Variants in PIK3C2G observed in about 807,000 individuals in gnomAD.
PIK3C2G encodes phosphatidylinositol-4-phosphate 3-kinase catalytic subunit type 2 gamma, also known as phosphatidylinositol 3-kinase C2 domain-containing subunit gamma.
A neutral mutation model predicts 181.1 loss-of-function variants in PIK3C2G; 168 were observed. The ratio of observed to expected loss-of-function variants is 0.93; its 90% CI spans 0.82 to 1.05. The LOEUF (loss-of-function observed/expected upper bound fraction) is 1.05, where lower values mean the gene tolerates loss of function less well. PIK3C2G is among the 50% of genes least tolerant of loss of function. PIK3C2G has a pLI of 0.00. For synonymous variants in PIK3C2G, 573 were observed against 592.2 expected (o/e 0.97, Z 0.47); for missense variants, 1,869 against 1,732.8 (o/e 1.08, Z -1.40).
At chr12:18,456,552 C>T (rs750922044) in intron 18 of PIK3C2G, among the ~76,000 whole-genome samples, 4 of 152,096 alleles carry the variant, frequency 2.6e-5, no homozygotes, top group South Asian at 2.1e-4. Context: ...AGAAGCTAGC[C>T]GCCCCAACCT....
chr12:18,599,144 C>T (rs1947551915), intron 30 of PIK3C2G, among the ~76,000 whole-genome samples: 1 of 152,186 alleles, frequency 6.6e-6, no homozygotes, highest in Non-Finnish European at 1.5e-5. Context: ...CATCCCATTA[C>T]TGGGTATATA....
chr12:18,680,540 C>CT, the PIK3C2G span, among the ~76,000 whole-genome samples: 1 of 152,030 alleles, frequency 6.6e-6, no homozygotes, highest in African/African-American at 2.4e-5. Context: ...GGTAGAGAGA[C>CT]TGTACTCATC....
At chr12:18,684,220 A>G in the PIK3C2G span, 10 of 1,611,754 alleles carry the variant, frequency 6.2e-6, no homozygotes, top group Middle Eastern at 1.7e-4. Flanking sequence ...AAACGTATCA[A>G]TGCCAATTCT....
At chr12:18,455,671 A>G (rs1947586790) in intron 18 of PIK3C2G, among the ~76,000 whole-genome samples, 1 of 152,036 alleles carries the variant, frequency 6.6e-6, no homozygotes, top group Admixed American at 6.6e-5. Flanking sequence ...TGCTTCACCG[A>G]CAGCTGTCTT....
At chr12:18,403,396 G>C (rs1944359722) in intron 16 of PIK3C2G, among the ~76,000 whole-genome samples, 1 of 152,028 alleles carries the variant, frequency 6.6e-6, no homozygotes, top group Non-Finnish European at 1.5e-5. Flanking sequence ...CAGTTTTACT[G>C]AACTATTAAA....
At chr12:18,521,235 G>A (rs1429245279) in intron 24 of PIK3C2G, among the ~76,000 whole-genome samples, 4 of 152,190 alleles carry the variant, frequency 2.6e-5, no homozygotes, top group South Asian at 2.1e-4. Context: ...GGGTGGCATG[G>A]GGAGCAGGAC....
intron 1 of PIK3C2G, among the ~76,000 whole-genome samples, chr12:18,275,149 C>G (rs116415783): frequency 0.011 from 1,719 of 152,240 alleles, 36 homozygotes; most frequent in African/African-American, 0.04. Context: ...GTTTAATTCT[C>G]TTTTCTTGAA....
chr12:18,658,456 T>C, the PIK3C2G span, among the ~76,000 whole-genome samples: 35 of 152,176 alleles, frequency 2.3e-4, 1 homozygote. Flanking sequence ...CAAGTCATTA[T>C]GCACAAGAAA....
intron 16 of PIK3C2G, among the ~76,000 whole-genome samples, chr12:18,409,321 C>T (rs1376133869): frequency 6.6e-6 from 1 of 152,090 alleles, no homozygotes; most frequent in African/African-American, 2.4e-5. Context: ...CCCAACTGTT[C>T]TCGCTTGTAA....
chr12:18,693,578 C>A, the PIK3C2G span: 1 of 1,596,510 alleles, frequency 6.3e-7, no homozygotes, highest in Non-Finnish European at 8.6e-7. Flanking sequence ...CAAACTCGGA[C>A]GGGAATTGTT....
At chr12:18,676,534 C>T in the PIK3C2G span, among the ~76,000 whole-genome samples, 15,800 of 152,070 alleles carry the variant, frequency 0.1, 1,044 homozygotes, top group African/African-American at 0.19. Context: ...CACTTACATA[C>T]ATGGTAGTTA....
Position 18,282,214 on chromosome 12 carries a change from G to A in PIK3C2G, c.133G>A (p.Asp45Asn), listed in dbSNP as rs760518638. 1 of 1,613,510 alleles carries A rather than the reference G, an allele frequency of 6.2e-7. No homozygotes were observed. Among genetic ancestry groups the A allele is most frequent in the Non-Finnish European group, 8.5e-7 (1 of 1,179,662 alleles). ...CAGTCTGGGTTTTGATCAGATAGTA[G>A]ATGAGATCAGTGGCAAAATTCCACA... Reference protein sequence around the residue: ...QVSLGFDQIVDEISGKIPHYE... With the variant: ...QVSLGFDQIVNEISGKIPHYE... Residue 45 changes from aspartate (D) to asparagine (N), a missense_variant, in exon 2 of 33, where the codon GAT becomes AAT. Coordinates refer to ENST00000538779, the MANE Select transcript of PIK3C2G (RefSeq NM_001288772.2).
chr12:18,473,424 C>T (rs1938644922), intron 18 of PIK3C2G, among the ~76,000 whole-genome samples: 1 of 152,164 alleles, frequency 6.6e-6, no homozygotes, highest in African/African-American at 2.4e-5. Context: ...TGTATCTGGA[C>T]CAGTCTGTAG....
intron 31 of PIK3C2G, among the ~76,000 whole-genome samples, chr12:18,613,825 C>T (rs1335039229): frequency 6.6e-6 from 1 of 152,032 alleles, no homozygotes; most frequent in Non-Finnish European, 1.5e-5. Flanking sequence ...ACTCTACACA[C>T]AATGTGGTGA....
At chr12:18,260,304 C>T (rs1334787415), upstream of PIK3C2G, among the ~76,000 whole-genome samples, 1 of 152,006 alleles carries the variant, frequency 6.6e-6, no homozygotes, top group Non-Finnish European at 1.5e-5. Flanking sequence ...AAGGGTTTAG[C>T]ATAAATGTAT....
In PIK3C2G at chr12:18,497,748, G is replaced by A. The variant is rs1941131360; in HGVS notation, c.3016G>A (p.Gly1006Arg). The change falls in exon 22 of 33, where the codon GGA (glycine) becomes AGA (arginine). Residue 1006 changes from glycine (G) to arginine (R), a missense_variant and splice_region_variant. Coordinates refer to ENST00000538779, the MANE Select transcript of PIK3C2G (RefSeq NM_001288772.2). Reference sequence around the variant, plus strand: ...ATGTCTATCCACAGGAAAAGACCAAGGTCAGTATAGATTAGAAAGTGCGCT... The same window carrying A: ...ATGTCTATCCACAGGAAAAGACCAAAGTCAGTATAGATTAGAAAGTGCGCT... ...YRCLSTGKDQ[G>R]LVQMVPDAVT... The A allele has an allele frequency of 1.9e-6, 3 of 1,606,998 alleles. No individual in the cohort carries two copies. The highest frequency in any genetic ancestry group is 2.6e-6 in the Non-Finnish European group (3 of 1,176,124).
chr12:18,709,595 A>G, the PIK3C2G span, among the ~76,000 whole-genome samples: 38 of 151,944 alleles, frequency 2.5e-4, no homozygotes, highest in Admixed American at 5.9e-4. Flanking sequence ...AAATCTGTAC[A>G]CTGTAGCCTA....
intron 18 of PIK3C2G, among the ~76,000 whole-genome samples, chr12:18,471,645 G>C (rs1938468930): frequency 6.6e-6 from 1 of 152,030 alleles, no homozygotes; most frequent in Admixed American, 6.6e-5. Flanking sequence ...AATTCACAGA[G>C]CACATTCCCC....
the PIK3C2G span, chr12:18,723,484 C>T: frequency 5.0e-6 from 8 of 1,612,814 alleles, no homozygotes; most frequent in South Asian, 3.3e-5. Context: ...CGTGATAATT[C>T]GATAAATTGC....
Sources: allele counts gnomAD v4.1 joint callset (sites outside exome capture counted in the v4.1 genomes callset), GRCh38; gene constraint gnomAD v4.1.1; transcripts MANE v1.5; gene names NCBI Gene and HGNC (gene_info 2026-07-23, HGNC 2026-07-21).